The following RAB3C variants were observed in gnomAD, a reference collection of about 807,000 sequenced individuals.
RAB3C encodes the protein RAB3C, member RAS oncogene family.
Under a neutral mutation model 26.4 loss-of-function variants are expected in RAB3C, and 17 were observed. That is an observed-to-expected ratio of 0.64 (90% CI 0.44 to 0.97). The LOEUF is 0.97. Among genes scored for constraint, RAB3C ranks in the 50% least tolerant of loss-of-function variants. RAB3C has a pLI of 0.00. For missense variants in RAB3C, 242 were observed against 281.9 expected, an observed-to-expected ratio of 0.86 and a Z score of 1.01; for synonymous variants, 91 against 95.9, an observed-to-expected ratio of 0.95 and a Z score of 0.30.
At chr5:58,815,607 G>C (rs932825581) in intron 3 of RAB3C, 1 of 152,108 alleles carries the variant, frequency 6.6e-6, no homozygotes, top group African/African-American at 2.4e-5. Flanking sequence ...GGATGCATTG[G>C]GGCACTGGCA....
chr5:58,638,852 G>A (rs1265456762), intron 2 of RAB3C, among the ~76,000 whole-genome samples: 1 of 152,214 alleles, frequency 6.6e-6, no homozygotes, highest in African/African-American at 2.4e-5. Context: ...GTGCCTCTGA[G>A]TTCCCTACAA....
chr5:58,668,495 G>T (rs1255914421), intron 2 of RAB3C, among the ~76,000 whole-genome samples: 1 of 151,998 alleles, frequency 6.6e-6, no homozygotes, highest in Non-Finnish European at 1.5e-5. Context: ...CATTATTAAA[G>T]CCCAACCAAT....
At chr5:58,696,459 C>G (rs1423124518) in intron 2 of RAB3C, among the ~76,000 whole-genome samples, 1 of 152,016 alleles carries the variant, frequency 6.6e-6, no homozygotes, top group Non-Finnish European at 1.5e-5. Flanking sequence ...GGGAGGATTC[C>G]CTCTTTTTCT....
chr5:58,814,263 A>C (rs1743162605), intron 3 of RAB3C, among the ~76,000 whole-genome samples: 1 of 152,076 alleles, frequency 6.6e-6, no homozygotes, highest in Admixed American at 6.6e-5. Flanking sequence ...CCACAAACTC[A>C]AAGTCCCACT....
intron 3 of RAB3C, among the ~76,000 whole-genome samples, chr5:58,732,378 A>G (rs905811439): frequency 6.6e-6 from 1 of 152,152 alleles, no homozygotes; most frequent in Non-Finnish European, 1.5e-5. Flanking sequence ...TTACAGGGCA[A>G]TAAGAAACTT....
chr5:58,680,323 T>C (rs1359014139), intron 2 of RAB3C, among the ~76,000 whole-genome samples: 3 of 152,198 alleles, frequency 2.0e-5, no homozygotes, highest in Non-Finnish European at 4.4e-5. Context: ...TTATATTGCC[T>C]AGAAACCAGA....
At chr5:58,680,311 A>G (rs973394937) in intron 2 of RAB3C, among the ~76,000 whole-genome samples, 2 of 152,182 alleles carry the variant, frequency 1.3e-5, no homozygotes, top group African/African-American at 4.8e-5. Context: ...AAGGAGAAAA[A>G]CTTATATTGC....
At chr5:58,773,965 T>TA (rs756439647) in intron 3 of RAB3C, among the ~76,000 whole-genome samples, 159 of 152,254 alleles carry the variant, frequency 1.0e-3, no homozygotes, top group Non-Finnish European at 2.0e-3. Context: ...TCACGTGTCC[T>TA]AACTACCTTC....
chr5:58,723,681 C>T (rs114609029), intron 2 of RAB3C, among the ~76,000 whole-genome samples: 2,327 of 151,816 alleles, frequency 0.015, 39 homozygotes, highest in Non-Finnish European at 0.022. Context: ...CCTTATGAGA[C>T]GTTAATTTCA....
chr5:58,786,295 T>C (rs955454302), intron 3 of RAB3C, among the ~76,000 whole-genome samples: 2 of 152,196 alleles, frequency 1.3e-5, no homozygotes, highest in African/African-American at 4.8e-5. Context: ...CCACCACCCC[T>C]ACCTTCAAAT....
Position 58,693,347 on chromosome 5 carries a change from T to TATATATATATATATATATATATAC in RAB3C, c.253-32640_253-32639insTATATATACATATATATATATATA, listed in dbSNP as rs1173401450. 5.7e-4 allele frequency among the ~76,000 whole-genome samples: 79 copies of TATATATATATATATATATATATAC among 137,824 alleles called. 1 individual carries two copies. Among genetic ancestry groups the TATATATATATATATATATATATAC allele is most frequent in the African/African-American group, 2.3e-3 (76 of 33,704 alleles). 90.4% of individuals were successfully genotyped at this position (137,824 alleles called of 152,430 possible). On this transcript the variant is annotated intron_variant, in intron 2 of 4. Coordinates refer to ENST00000282878, the MANE Select transcript of RAB3C (RefSeq NM_138453.4). ...TTATATATATATGTGTATATATATATATATATATATATATAAAATTTCTTA... is the reference window on the plus strand; with the variant it reads ...TTATATATATATGTGTATATATATATATATATATATATATATATATATACATATATATATATATAAAATTTCTTA...
At chr5:58,596,858 TATA>T (rs200544646) in intron 1 of RAB3C, among the ~76,000 whole-genome samples, 16,176 of 92,002 alleles carry the variant, frequency 0.18, 3,139 homozygotes, top group East Asian at 0.59. Flanking sequence ...ATACATAATA[TATA>T]ATATTATATT....
At chr5:58,652,026 A>G (rs560788795) in intron 2 of RAB3C, among the ~76,000 whole-genome samples, 2 of 151,818 alleles carry the variant, frequency 1.3e-5, no homozygotes, top group South Asian at 4.1e-4. Flanking sequence ...TATTTTCCAT[A>G]CTTGGTTGTT....
chr5:58,610,513 G>GT (rs1382088696), intron 1 of RAB3C, among the ~76,000 whole-genome samples: 14 of 152,030 alleles, frequency 9.2e-5, no homozygotes, highest in African/African-American at 3.1e-4. Flanking sequence ...TGTTGAGTAT[G>GT]TTTTTTGTTT....
rs191267093 is a variant in RAB3C, at chr5:58,732,181, A to G, written c.371+6061A>G. Among the ~76,000 whole-genome samples the G allele has an allele frequency of 5.4e-3, 819 of 151,502 alleles. 13 individuals are homozygous for G. Among genetic ancestry groups the G allele is most frequent in the African/African-American group, 0.019 (768 of 41,386 alleles). On this transcript the variant is annotated intron_variant, in intron 3 of 4. Coordinates refer to ENST00000282878, the MANE Select transcript of RAB3C (RefSeq NM_138453.4). The stretch of plus-strand genomic sequence containing the variant: ...TTAGTTACATATGTATACATGTGCC[A>G]TGAATTTTAAAGCTTAAGAAAATCC...
intron 3 of RAB3C, among the ~76,000 whole-genome samples, chr5:58,779,112 A>C (rs1158492720): frequency 6.6e-6 from 1 of 152,014 alleles, no homozygotes; most frequent in African/African-American, 2.4e-5. Context: ...GGCAGCCCAG[A>C]GCTGAACACT....
At chr5:58,742,884 T>A (rs920197488) in intron 3 of RAB3C, among the ~76,000 whole-genome samples, 10 of 152,200 alleles carry the variant, frequency 6.6e-5, no homozygotes, top group African/African-American at 1.7e-4. Flanking sequence ...TTTCTTTTTT[T>A]AATTTTTTTT....
chr5:58,700,197 G>T (rs909811541), intron 2 of RAB3C, among the ~76,000 whole-genome samples: 4 of 152,184 alleles, frequency 2.6e-5, no homozygotes, highest in Non-Finnish European at 4.4e-5. Context: ...GTGGTAGTAA[G>T]TGCTCAGGAA....
intron 2 of RAB3C, among the ~76,000 whole-genome samples, chr5:58,684,610 C>T (rs2111846660): frequency 6.6e-6 from 1 of 152,288 alleles, no homozygotes; most frequent in African/African-American, 2.4e-5. Flanking sequence ...AAAGGATCTT[C>T]TTAATGGAGG....
Sources: gnomAD v4.1 joint callset for allele counts (sites outside exome capture counted in the v4.1 genomes callset) on GRCh38, gnomAD v4.1.1 for gene constraint, MANE v1.5 for transcripts, NCBI Gene and HGNC (gene_info 2026-07-23, HGNC 2026-07-21) for gene names.